Variants in PRUNE2 observed in about 807,000 individuals in gnomAD.
PRUNE2 encodes the protein protein prune homolog 2.
PRUNE2 carries 164 observed loss-of-function variants against 252.0 expected under a neutral mutation model. The ratio of observed to expected loss-of-function variants is 0.65; its 90% CI spans 0.57 to 0.74. PRUNE2 has a LOEUF of 0.74. PRUNE2 is among the 30% of genes least tolerant of loss of function. The probability of loss-of-function intolerance (pLI) is 0.00; values close to 1 mark genes in which losing one functional copy is unlikely to be tolerated. For synonymous variants in PRUNE2, 1,292 were observed against 1,350.2 expected (o/e 0.96, Z 0.94); for missense variants, 3,495 against 3,711.0 (o/e 0.94, Z 1.51).
chr9:76,706,522 C>T lies in PRUNE2; in HGVS notation c.5752G>A (p.Asp1918Asn), dbSNP rs1355383720. ...ACAAGCTGGCTGAACTTGTCAGCAT[C>T]TGGGTCTGGCTGCCTTGGTTGAATG... Reference protein sequence around the residue: ...WNIQPRQPDPDADKFSQLVKL... With the variant: ...WNIQPRQPDPNADKFSQLVKL... The change falls in exon 8 of 19, where the codon GAT (aspartate) becomes AAT (asparagine). Residue 1918 changes from aspartate to asparagine, a missense_variant. Physicochemically the swap from Asp to Asn is conservative, Grantham distance 23 (BLOSUM62 1). Transcript: ENST00000376718. 1.9e-6 allele frequency: 3 copies of T among 1,613,846 alleles called. No homozygotes were observed. Among genetic ancestry groups the T allele is most frequent in the African/African-American group, 2.7e-5 (2 of 74,934 alleles).
In PRUNE2 at chr9:76,612,027, G is replaced by A. The variant is rs1175524192; in HGVS notation, c.*2543C>T. 2 of 152,548 alleles carry A rather than the reference G, an allele frequency of 1.3e-5. No individual in the cohort carries two copies. The highest frequency in any genetic ancestry group is 2.9e-5 in the Non-Finnish European group (2 of 68,024). The allele number at this position is 152,548 out of a possible 1,614,324, so 9.4% of individuals were successfully genotyped here. On this transcript the variant is annotated 3_prime_UTR_variant, in exon 19 of 19. Transcript: ENST00000376718. ...AATGTTTACCTCTGTCTACCTATCTGCTTAGGGATTATTTTTCTAGGATTC... is the reference window on the plus strand; with the variant it reads ...AATGTTTACCTCTGTCTACCTATCTACTTAGGGATTATTTTTCTAGGATTC...
At chr9:76,722,289 T>G (rs538649592) in intron 6 of PRUNE2, among the ~76,000 whole-genome samples, 44 of 151,534 alleles carry the variant, frequency 2.9e-4, no homozygotes, top group South Asian at 1.3e-3. Context: ...AGGCTGGTCT[T>G]GAACTCCTGA....
intron 6 of PRUNE2, among the ~76,000 whole-genome samples, chr9:76,791,172 C>T (rs2055513888): frequency 6.6e-6 from 1 of 152,128 alleles, no homozygotes; most frequent in African/African-American, 2.4e-5. Context: ...ATGGTGACTA[C>T]ATACTGTAAT....
chr9:76,894,309 G>A (rs1474977899), intron 1 of PRUNE2, among the ~76,000 whole-genome samples: 2 of 152,214 alleles, frequency 1.3e-5, no homozygotes, highest in African/African-American at 4.8e-5. Context: ...ACCAGGAGGT[G>A]TCGCATGAAA....
Position 76,739,762 on chromosome 9 carries a change from G to T in PRUNE2, c.757-26041C>A, listed in dbSNP as rs1243647138. Reference sequence around the variant, plus strand: ...TTAGATTTCAAAATTGTAGATGGGGGACTACAGACCTGGATTAATTCTCAA... The same window carrying T: ...TTAGATTTCAAAATTGTAGATGGGGTACTACAGACCTGGATTAATTCTCAA... On this transcript the variant is annotated intron_variant, in intron 6 of 18. Coordinates refer to ENST00000376718, the MANE Select transcript of PRUNE2 (RefSeq NM_015225.3). The T allele has an allele frequency of 2.0e-5, 3 of 152,256 alleles. No individual in the cohort carries two copies. In the East Asian group the frequency reaches 5.8e-4, roughly 29 times the overall value. 9.4% of individuals were successfully genotyped at this position (152,256 alleles called of 1,614,324 possible).
Position 76,708,486 on chromosome 9 carries a change from T to G in PRUNE2, c.3788A>C (p.His1263Pro). 1 of 1,613,940 alleles carries G rather than the reference T, an allele frequency of 6.2e-7. No individual in the cohort carries two copies. Among genetic ancestry groups the G allele is most frequent in the Non-Finnish European group, 8.5e-7 (1 of 1,179,892 alleles). The change falls in exon 8 of 19, where the codon CAT becomes CCT. Residue 1263 changes from histidine (H) to proline (P), a missense_variant. Physicochemically the swap from His to Pro is moderately conservative, Grantham distance 77. Transcript: ENST00000376718. ...AGAGGCTGCTGGCGCATCTGGGGAATGAGTGTCTTTAACATTTGCTGAATG... is the reference window on the plus strand; with the variant it reads ...AGAGGCTGCTGGCGCATCTGGGGAAGGAGTGTCTTTAACATTTGCTGAATG... ...PSHSANVKDT[H>P]SPDAPAASGT...
rs377181480 is a variant in PRUNE2, at chr9:76,617,058, G to A, written c.9236+2282C>T. Among the ~76,000 whole-genome samples the A allele has an allele frequency of 8.0e-4, 121 of 151,842 alleles. 1 individual carries two copies. The highest frequency in any genetic ancestry group is 2.6e-3 in the African/African-American group (106 of 41,386). ...TTAGAATTGAATATTCTTAATCCTC[G>A]GGCAAATGGGCTTAGTTTTCTATAA... On this transcript the variant is annotated intron_variant, in intron 18 of 18. Transcript: ENST00000376718.
chr9:76,677,649 T>C (rs2042839756), intron 9 of PRUNE2, among the ~76,000 whole-genome samples: 1 of 152,246 alleles, frequency 6.6e-6, no homozygotes, highest in African/African-American at 2.4e-5. Context: ...TCCTTCCTGA[T>C]GGGTCCATTG....
intron 1 of PRUNE2, among the ~76,000 whole-genome samples, chr9:76,894,839 A>G (rs11145118): frequency 0.27 from 40,275 of 151,714 alleles, 8,460 homozygotes; most frequent in African/African-American, 0.59. Context: ...GTCCAACATG[A>G]TGAAACCCCG....
intron 9 of PRUNE2, among the ~76,000 whole-genome samples, chr9:76,701,836 C>T (rs1453883890): frequency 6.6e-6 from 1 of 152,180 alleles, no homozygotes; most frequent in Non-Finnish European, 1.5e-5. Flanking sequence ...TCTGTTTCCA[C>T]ACAAATTAAG....
intron 9 of PRUNE2, among the ~76,000 whole-genome samples, chr9:76,697,462 C>T (rs1256021173): frequency 1.3e-5 from 2 of 152,214 alleles, no homozygotes; most frequent in Non-Finnish European, 2.9e-5. Flanking sequence ...GAGCAGCCCA[C>T]TGACATGGCA....
At chr9:76,764,290 C>T (rs1292744921) in intron 6 of PRUNE2, 3 of 152,178 alleles carry the variant, frequency 2.0e-5, no homozygotes, top group East Asian at 3.9e-4. Flanking sequence ...AACGTGTCAA[C>T]ATAGTGTGAC....
chr9:76,895,823 A>G (rs1028648511), intron 1 of PRUNE2, among the ~76,000 whole-genome samples: 7 of 152,028 alleles, frequency 4.6e-5, no homozygotes, highest in African/African-American at 1.7e-4. Flanking sequence ...TAGCTCTGTC[A>G]CCCAGGCTGG....
intron 9 of PRUNE2, among the ~76,000 whole-genome samples, chr9:76,683,385 A>T (rs1038413267): frequency 2.0e-5 from 3 of 152,216 alleles, no homozygotes; most frequent in Non-Finnish European, 2.9e-5. Context: ...AGGAAAAAAA[A>T]TGGGTAAACA....
chr9:76,774,856 A>AT (rs1429975899), intron 6 of PRUNE2, among the ~76,000 whole-genome samples: 1 of 152,206 alleles, frequency 6.6e-6, no homozygotes, highest in Non-Finnish European at 1.5e-5. Context: ...AAGATTGTAG[A>AT]TTTTAGAGAC....
chr9:76,693,198 A>G (rs536766548), intron 9 of PRUNE2, among the ~76,000 whole-genome samples: 1 of 152,288 alleles, frequency 6.6e-6, no homozygotes, highest in South Asian at 2.1e-4. Flanking sequence ...AAAAATATAT[A>G]TTATCAGATA....
chr9:76,637,427 A>G lies in PRUNE2; in HGVS notation c.8954T>C (p.Ile2985Thr), dbSNP rs967966734. The G allele has an allele frequency of 6.2e-7, 1 of 1,613,640 alleles. No homozygotes were observed. Among genetic ancestry groups the G allele is most frequent in the Admixed American group, 1.7e-5 (1 of 60,016 alleles). Reference protein sequence around the residue: ...LGWMKKCYQMIDRRLRKNLKS... With the variant: ...LGWMKKCYQMTDRRLRKNLKS... ...AATAGAGCCCACATACCGTCTGTCA[A>G]TCATCTGGTAGCATTTCTTCATCCA... Residue 2985 changes from isoleucine to threonine, a missense_variant, in exon 14 of 19, where the codon ATT becomes ACT. By Grantham distance (89) the Ile-to-Thr change is moderately conservative. Coordinates refer to ENST00000376718, the MANE Select transcript of PRUNE2 (RefSeq NM_015225.3).
intron 6 of PRUNE2, among the ~76,000 whole-genome samples, chr9:76,765,309 A>G (rs1213621478): frequency 2.0e-5 from 3 of 152,244 alleles, no homozygotes; most frequent in African/African-American, 7.2e-5. Flanking sequence ...AAGATGAAAT[A>G]GACATCAAGG....
chr9:76,813,334 G>C (rs1175099743), intron 6 of PRUNE2, among the ~76,000 whole-genome samples: 2 of 152,140 alleles, frequency 1.3e-5, no homozygotes, highest in Middle Eastern at 3.4e-3. Context: ...CCTCAGTTTG[G>C]GCTCCTGGAA....
Sources: gnomAD v4.1 joint callset for allele counts (sites outside exome capture counted in the v4.1 genomes callset) on GRCh38, gnomAD v4.1.1 for gene constraint, MANE v1.5 for transcripts, NCBI Gene and HGNC (gene_info 2026-07-23, HGNC 2026-07-21) for gene names.